Variants in BDH1 observed in about 807,000 individuals in gnomAD.
BDH1 encodes D-beta-hydroxybutyrate dehydrogenase, mitochondrial.
BDH1 carries 30 observed loss-of-function variants against 33.1 expected under a neutral mutation model. The ratio of observed to expected loss-of-function variants is 0.91; its 90% confidence interval spans 0.68 to 1.23. The LOEUF is 1.23. Among genes scored for constraint, BDH1 ranks in the 50% most tolerant of loss-of-function variants. BDH1 has a pLI of 0.00. For synonymous variants in BDH1, 190 were observed against 183.6 expected (o/e 1.03, Z -0.28); for missense variants, 443 against 464.4 (o/e 0.95, Z 0.42).
In BDH1 at chr3:197,547,299, C is replaced by T. The variant is rs545659171; in HGVS notation, c.-43-813G>A. Among the ~76,000 whole-genome samples the T allele has an allele frequency of 1.4e-4, 21 of 152,324 alleles. No individual in the cohort carries two copies. In the South Asian group the frequency reaches 3.9e-3, roughly 29 times the overall value. ...TCCTCCAGGCCTAAGGGAAGGAAGG[C>T]GGGCTGGTAAATGGGTTCCAGCCTC... is the stretch of plus-strand genomic sequence containing the variant. On this transcript the variant is annotated intron_variant, in intron 2 of 7. Transcript: ENST00000392379.
chr3:197,542,734 T>G (rs11716168), intron 3 of BDH1, among the ~76,000 whole-genome samples: 11,037 of 151,574 alleles, frequency 0.073, 452 homozygotes, highest in Non-Finnish European at 0.096. Flanking sequence ...GTTGGACAGG[T>G]TGGTCTCAAA....
At chr3:197,548,256 T>A (rs1003237606) in intron 2 of BDH1, among the ~76,000 whole-genome samples, 3 of 151,428 alleles carry the variant, frequency 2.0e-5, no homozygotes, top group Admixed American at 2.0e-4. Flanking sequence ...CAGGCCCACG[T>A]TGGCTCAGAC....
intron 4 of BDH1, among the ~76,000 whole-genome samples, chr3:197,532,890 T>C (rs1714800397): frequency 6.6e-6 from 1 of 152,186 alleles, no homozygotes; most frequent in South Asian, 2.1e-4. Flanking sequence ...TTCTTCTTTT[T>C]TTTGAGATGG....
rs913842521 is a variant in BDH1, at chr3:197,512,111, G to A, written c.816C>T (p.Tyr272=). 18 of 1,614,060 alleles carry A rather than the reference G, an allele frequency of 1.1e-5. No individual in the cohort carries two copies. Among genetic ancestry groups the A allele is most frequent in the Non-Finnish European group, 1.4e-5 (16 of 1,180,046 alleles). ...TCTTTTCATCAAAGTACTTCTTGCCGTAGTCCTTGCGCACGACCTCAGGCA... is the reference window on the plus strand; with the variant it reads ...TCTTTTCATCAAAGTACTTCTTGCCATAGTCCTTGCGCACGACCTCAGGCA... ...EELPEVVRKD[Y]GKKYFDEKIA... The change falls in exon 8 of 8, where the codon TAC becomes TAT. Residue 272 remains tyrosine (Y), a synonymous_variant. Transcript: ENST00000392379.
chr3:197,548,883 A>C (rs924319770), intron 2 of BDH1, among the ~76,000 whole-genome samples: 2 of 133,858 alleles, frequency 1.5e-5, no homozygotes, highest in Non-Finnish European at 3.5e-5. Context: ...AACAAAAAAA[A>C]CACAAAAAAC....
In BDH1 at chr3:197,516,270, G is replaced by A. The variant is rs919275964; in HGVS notation, c.410-1854C>T. Among the ~76,000 whole-genome samples the A allele has an allele frequency of 2.0e-5, 3 of 152,138 alleles. No homozygotes were observed. The highest frequency in any genetic ancestry group is 7.2e-5 in the African/African-American group (3 of 41,428). On this transcript the variant is annotated intron_variant, in intron 6 of 7. Coordinates refer to ENST00000392379, the MANE Select transcript of BDH1 (RefSeq NM_203314.3). This position sits in a 1 kb window ranked among gnomAD's most constrained non-coding sequence, Gnocchi z 4.2. ...CTTCTTCATGTTTGTGAATTTTGCA[G>A]CCGTTTTGTGTTTGATTCATAACGG... is the stretch of plus-strand genomic sequence containing the variant.
intron 3 of BDH1, chr3:197,538,276 CAG>C (rs1434254937): frequency 8.8e-6 from 4 of 456,598 alleles, no homozygotes; most frequent in African/African-American, 6.0e-5. Flanking sequence ...CAGGTGGTAA[CAG>C]GGGAAAAGAG....
intron 1 of BDH1, among the ~76,000 whole-genome samples, chr3:197,563,538 T>C (rs1717334373): frequency 1.3e-5 from 2 of 152,210 alleles, no homozygotes; most frequent in South Asian, 4.1e-4. Flanking sequence ...ACTATCACAG[T>C]TTTCATAAAT....
rs932438120 is a variant in BDH1 at position 197,526,396 on chromosome 3, G to A, written c.268-3615C>T. Among the ~76,000 whole-genome samples the A allele has an allele frequency of 4.6e-5, 7 of 152,196 alleles. No homozygotes were observed. The highest frequency in any genetic ancestry group is 2.0e-4 in the Admixed American group (3 of 15,284). On this transcript the variant is annotated intron_variant, in intron 5 of 7. Transcript: ENST00000392379. The surrounding 1 kb of genome is among the most constrained non-coding windows in gnomAD (Gnocchi z 4.7). ...GCAAATTAGGGGCAAGACTGTAGTC[G>A]TCTGAGGCTGGCTAATGTCTGCTGT...
In BDH1 at chr3:197,572,190, C is replaced by T. The variant is rs531780761; in HGVS notation, c.-44+991G>A. 3.3e-5 allele frequency among the ~76,000 whole-genome samples: 5 copies of T among 152,218 alleles called. No individual in the cohort carries two copies. In the South Asian group the frequency reaches 1.0e-3, roughly 32 times the overall value. ...TGTGGATCTTAAGGAACTCCCCAGA[C>T]CTTCACAAACAAGCTTTACTGGGGA... On this transcript the variant is annotated intron_variant, in intron 1 of 6. Coordinates refer to the BDH1 transcript ENST00000358186.
intron 3 of BDH1, among the ~76,000 whole-genome samples, chr3:197,540,488 G>A (rs1579960923): frequency 1.3e-5 from 2 of 151,706 alleles, no homozygotes; most frequent in East Asian, 4.0e-4. Context: ...GGCCAACATG[G>A]TGAAACCCCA....
At chr3:197,534,639 T>C (rs568814827) in intron 3 of BDH1, among the ~76,000 whole-genome samples, 1 of 152,330 alleles carries the variant, frequency 6.6e-6, no homozygotes, top group African/African-American at 2.4e-5. Context: ...GTTTAGTTTT[T>C]TAAGAAACTG....
chr3:197,519,704 A>G lies in BDH1; in HGVS notation c.409+2936T>C, dbSNP rs572450201. On this transcript the variant is annotated intron_variant, in intron 6 of 7. Coordinates refer to ENST00000392379, the MANE Select transcript of BDH1 (RefSeq NM_203314.3). The stretch of plus-strand genomic sequence containing the variant: ...TTAATTAATTAATGTTGACTGACTG[A>G]CTGGTAAGTGATGTGCCAAGATCAG... Among the ~76,000 whole-genome samples the G allele has an allele frequency of 1.4e-4, 21 of 152,080 alleles. No individual in the cohort carries two copies. The East Asian group carries it at 3.5e-3, about 25-fold the overall frequency.
At chr3:197,550,013 G>A (rs189379663) in intron 2 of BDH1, among the ~76,000 whole-genome samples, 1 of 141,642 alleles carries the variant, frequency 7.1e-6, no homozygotes, top group African/African-American at 2.9e-5. Context: ...CGAACATTTC[G>A]TAGAGTCTTG....
chr3:197,533,625 C>T (rs1043753216), intron 3 of BDH1, 64 bp from the exon 4 acceptor site: 2 of 1,530,432 alleles, frequency 1.3e-6, no homozygotes, highest in African/African-American at 2.7e-5. Context: ...CCACACTGGC[C>T]TAGAGCAGCA....
Position 197,510,148 on chromosome 3 carries a change from C to T in BDH1, c.*1747G>A, listed in dbSNP as rs9820761. 15,893 of 152,434 alleles carry T rather than the reference C, an allele frequency of 0.1. 980 individuals are homozygous for T. The highest frequency in any genetic ancestry group is 0.16 in the African/African-American group (6,861 of 41,582). The allele number at this position is 152,434 out of a possible 1,614,324, so 9.4% of individuals were successfully genotyped here. A position where few individuals can be genotyped will look rare whatever the true frequency, so the allele number is the denominator to read the frequency against. ...CTTCTCCTGGCACCAGCCTCCGGGC[C>T]CGGGCCAGCTGCTAGGAGAGCGAGA... On this transcript the variant is annotated 3_prime_UTR_variant, in exon 8 of 8. Transcript: ENST00000392379.
intron 3 of BDH1, among the ~76,000 whole-genome samples, chr3:197,535,600 T>C (rs555660814): frequency 3.3e-5 from 5 of 152,180 alleles, no homozygotes; most frequent in Non-Finnish European, 7.4e-5. Flanking sequence ...AGCTAACTAG[T>C]GAAACCAAGG....
chr3:197,569,388 A>T (rs1717533596), intron 1 of BDH1, among the ~76,000 whole-genome samples: 1 of 152,200 alleles, frequency 6.6e-6, no homozygotes, highest in African/African-American at 2.4e-5. Context: ...CAATTAGTAC[A>T]ATACAGGTGG....
At chr3:197,530,593 A>T (rs1010579657) in intron 5 of BDH1, 7 of 152,522 alleles carry the variant, frequency 4.6e-5, no homozygotes, top group African/African-American at 1.7e-4. Flanking sequence ...AAGAAAAAAA[A>T]AAAAGATAAC....
Sources: allele counts gnomAD v4.1 joint callset (sites outside exome capture counted in the v4.1 genomes callset), GRCh38; gene constraint gnomAD v4.1.1; non-coding constraint Gnocchi (gnomAD v3.1); transcripts MANE v1.5; gene names NCBI Gene and HGNC (gene_info 2026-07-23, HGNC 2026-07-21).